Variants in GET1 observed in about 807,000 individuals in gnomAD.
GET1 encodes the protein guided entry of tail-anchored proteins factor 1.
Under a neutral mutation model 22.6 loss-of-function variants are expected in GET1, and 20 were observed. The ratio of observed to expected loss-of-function variants is 0.89; its 90% CI spans 0.62 to 1.29. The LOEUF is 1.29. Among genes scored for constraint, GET1 ranks in the 50% most tolerant of loss-of-function variants. The pLI, the probability that GET1 is intolerant of heterozygous loss-of-function variation, is 0.00. For missense variants in GET1, 209 were observed against 219.9 expected (o/e 0.95, Z 0.31); for synonymous variants, 92 against 83.8 (o/e 1.10, Z -0.53).
chr21:39,406,568 C>T lies in GET1; in HGVS notation c.*584C>T, dbSNP rs766520744. 1.1e-5 allele frequency: 17 copies of T among 1,604,418 alleles called. No homozygotes were observed. The South Asian group carries it at 1.1e-4, about 11-fold the overall frequency. ...TTGTCTTTTTGTCTTCCAGTATTCT[C>T]CAGCAGTATTTGGACTTCCAAATGT... On this transcript the variant is annotated 3_prime_UTR_variant, in exon 5 of 5. Coordinates refer to the GET1 transcript ENST00000415847.
At chr21:39,406,159 C>G in exon 5 of GET1, 1 of 1,614,238 alleles carries the variant, frequency 6.2e-7, no homozygotes, top group South Asian at 1.1e-5. Flanking sequence ...GGAAGACTTA[C>G]CAAATGAGGG....
At chr21:39,398,852 G>T (rs2038767689), downstream of GET1, among the ~76,000 whole-genome samples, 1 of 151,420 alleles carries the variant, frequency 6.6e-6, no homozygotes, top group Non-Finnish European at 1.5e-5. Context: ...TGATCCACCC[G>T]CCTCGGCATC....
downstream of GET1, chr21:39,410,793 T>C (rs1413347394): frequency 2.1e-6 from 1 of 469,674 alleles, no homozygotes; most frequent in Non-Finnish European, 4.4e-6. Context: ...GTGAAGGAAA[T>C]TATATCATTT....
chr21:39,387,809 C>T (rs1282796746), intron 1 of GET1: 1 of 985,568 alleles, frequency 1.0e-6, no homozygotes, highest in Non-Finnish European at 1.2e-6. Flanking sequence ...GGCTTCCAAG[C>T]TCTAAATGGA....
chr21:39,395,870 T>C (rs1016952284), intron 4 of GET1, among the ~76,000 whole-genome samples: 36 of 152,362 alleles, frequency 2.4e-4, no homozygotes, highest in African/African-American at 8.4e-4. Flanking sequence ...GGGGGATATG[T>C]ATGCCTCTCC....
At chr21:39,387,738 T>A in intron 1 of GET1, 1 of 976,150 alleles carries the variant, frequency 1.0e-6, no homozygotes, top group South Asian at 4.8e-5. Context: ...GTAGGCGGCA[T>A]CACTGGGCGG....
At chr21:39,389,772 A>C (rs2038172398) in intron 1 of GET1, among the ~76,000 whole-genome samples, 1 of 152,088 alleles carries the variant, frequency 6.6e-6, no homozygotes, top group Non-Finnish European at 1.5e-5. Flanking sequence ...GAGCTTGGGC[A>C]CTGACATTCT....
chr21:39,423,163 G>A (rs769072025), intron 1 of GET1: 2 of 1,613,414 alleles, frequency 1.2e-6, no homozygotes, highest in Non-Finnish European at 1.7e-6. Context: ...CTTTTCCTGG[G>A]ATTTCCTAAG....
intron 1 of GET1, among the ~76,000 whole-genome samples, chr21:39,416,661 ATT>A: frequency 6.7e-6 from 1 of 149,662 alleles, no homozygotes; most frequent in African/African-American, 2.4e-5. Flanking sequence ...TTACTTCTGT[ATT>A]TTTTTTTTGT....
At chr21:39,406,379 G>C in exon 5 of GET1, 1 of 1,614,178 alleles carries the variant, frequency 6.2e-7, no homozygotes, top group Non-Finnish European at 8.5e-7. Context: ...CCTTTGCCAA[G>C]TGTGTCATCC....
At position 39,420,770 on chromosome 21, in the gene GET1, A is replaced by G. The variant is rs144492731; in HGVS notation, c.*24-7462A>G. 78 of 1,613,718 alleles carry G rather than the reference A, an allele frequency of 4.8e-5. 1 individual carries two copies. Among genetic ancestry groups the G allele is most frequent in the African/African-American group, 4.8e-4 (36 of 75,046 alleles). Reference sequence around the variant, plus strand: ...AGTCTTGGTAGCTGTCTGAGCTGCTAAAGTCTTCCGAGTCTCAATAGCCAG... The same window carrying G: ...AGTCTTGGTAGCTGTCTGAGCTGCTGAAGTCTTCCGAGTCTCAATAGCCAG... On this transcript the variant is annotated intron_variant, in intron 1 of 1. Coordinates refer to the GET1 transcript ENST00000478273.
intron 4 of GET1, among the ~76,000 whole-genome samples, chr21:39,394,725 C>T (rs762252395): frequency 7.2e-5 from 11 of 152,138 alleles, no homozygotes; most frequent in African/African-American, 9.7e-5. Context: ...CCCATTCACA[C>T]GGACTCTGCC....
intron 1 of GET1, among the ~76,000 whole-genome samples, chr21:39,424,594 ATATGT>A (rs1267731059): frequency 1.3e-5 from 2 of 152,238 alleles, no homozygotes; most frequent in African/African-American, 4.8e-5. Context: ...CCTTTCAACA[ATATGT>A]TATGGGTAAT....
chr21:39,428,372 T>A (rs1009522613), exon 2 of GET1: 1 of 1,613,572 alleles, frequency 6.2e-7, no homozygotes, highest in African/African-American at 1.3e-5. Context: ...AGCATTACTG[T>A]TCCGTGAAAA....
chr21:39,410,407 C>T (rs751022169), downstream of GET1: 2 of 1,013,960 alleles, frequency 2.0e-6, no homozygotes, highest in South Asian at 2.9e-5. Context: ...ACATATTTTA[C>T]ATTTGGATAC....
chr21:39,390,688 G>T lies in GET1; in HGVS notation c.103-10G>T, dbSNP rs949531165. The T allele has an allele frequency of 1.2e-6, 2 of 1,613,846 alleles. No individual in the cohort carries two copies. Among genetic ancestry groups the T allele is most frequent in the Middle Eastern group, 1.7e-4 (1 of 6,048 alleles). On this transcript the variant is annotated splice_polypyrimidine_tract_variant and intron_variant, in intron 1 of 4. Coordinates refer to ENST00000649170, the MANE Select transcript of GET1 (RefSeq NM_004627.6). ...TGGAAGGTGCTGATCCCCGTTGTCC[G>T]CCCTGCCAGATGTCCAGGGTGCTGC...
At chr21:39,426,670 G>A (rs2074765795) in intron 1 of GET1, among the ~76,000 whole-genome samples, 1 of 152,220 alleles carries the variant, frequency 6.6e-6, no homozygotes, top group African/African-American at 2.4e-5. Flanking sequence ...GGTTTTTGTT[G>A]CCAAATCAAC....
chr21:39,427,476 C>T (rs1335896564), intron 1 of GET1, among the ~76,000 whole-genome samples: 1 of 151,966 alleles, frequency 6.6e-6, no homozygotes, highest in African/African-American at 2.4e-5. Context: ...TCCTGGCTAA[C>T]ACGGTGAAAC....
At chr21:39,395,683 A>C (rs943021444) in intron 4 of GET1, among the ~76,000 whole-genome samples, 59 of 151,640 alleles carry the variant, frequency 3.9e-4, no homozygotes, top group African/African-American at 1.4e-3. Context: ...TGTTTCAAAG[A>C]CTCCCAATTT....
Sources: gnomAD v4.1 joint callset for allele counts (sites outside exome capture counted in the v4.1 genomes callset) on GRCh38, gnomAD v4.1.1 for gene constraint, MANE v1.5 for transcripts, NCBI Gene and HGNC (gene_info 2026-07-23, HGNC 2026-07-21) for gene names.